Variants in KTN1 observed in about 807,000 individuals in gnomAD.
KTN1 encodes the protein kinectin.
Under a neutral mutation model 222.5 loss-of-function variants are expected in KTN1, and 130 were observed. The observed-to-expected ratio is 0.58, with a 90% confidence interval of 0.51 to 0.68. KTN1 has a LOEUF of 0.68. Ranked by LOEUF, KTN1 falls within the 30% of genes least tolerant of loss-of-function variation. The probability of loss-of-function intolerance (pLI) is 0.00; values close to 1 mark genes in which losing one functional copy is unlikely to be tolerated. For synonymous variants in KTN1, 512 were observed against 496.3 expected (o/e 1.03, Z -0.42); for missense variants, 1,508 against 1,500.4 (o/e 1.01, Z -0.08).
At chr14:55,671,466 A>T (rs2141317324) in intron 35 of KTN1, 100 bp from the exon 36 acceptor site, 1 of 772,818 alleles carries the variant, frequency 1.3e-6, no homozygotes, top group Non-Finnish European at 2.1e-6. Flanking sequence ...AAACACTTTG[A>T]AACCATTTAT....
chr14:55,633,861 G>A (rs554734738), intron 8 of KTN1, among the ~76,000 whole-genome samples: 105 of 152,214 alleles, frequency 6.9e-4, no homozygotes, highest in Middle Eastern at 3.4e-3. Context: ...CTTTCGGGCC[G>A]GGTGTGGTGG....
chr14:55,602,924 A>G (rs2036196665), intron 1 of KTN1, among the ~76,000 whole-genome samples: 1 of 152,052 alleles, frequency 6.6e-6, no homozygotes, highest in Non-Finnish European at 1.5e-5. Flanking sequence ...TTTGCTTCTC[A>G]TTTCGTAAAG....
intron 18 of KTN1, among the ~76,000 whole-genome samples, chr14:55,643,571 A>G (rs948816636): frequency 1.3e-5 from 2 of 152,212 alleles, no homozygotes; most frequent in East Asian, 3.8e-4. Context: ...TGGAGGTAAA[A>G]CAAATGCTTA....
chr14:55,642,762 T>G (rs1156791616), intron 18 of KTN1, among the ~76,000 whole-genome samples: 1 of 152,220 alleles, frequency 6.6e-6, no homozygotes, highest in Admixed American at 6.5e-5. Context: ...AATCCATTTA[T>G]TCTACCTCCC....
In KTN1 at chr14:55,615,657, AAG is replaced by A. The variant is rs549389748; in HGVS notation, c.524-856_524-855del. Among the ~76,000 whole-genome samples, 106 of 152,304 alleles carry A rather than the reference AAG, an allele frequency of 7.0e-4. 1 individual carries two copies. Among genetic ancestry groups the A allele is most frequent in the African/African-American group, 2.4e-3 (99 of 41,566 alleles). On this transcript the variant is annotated intron_variant, in intron 2 of 43. Transcript: ENST00000395314. ...CTGAGTTAATCCTTTCGTGGAATGA[AAG>A]AGATAAAAATCAGGTTGCAATTAGC...
intron 1 of KTN1, among the ~76,000 whole-genome samples, chr14:55,589,583 T>C (rs2033706902): frequency 6.6e-6 from 1 of 152,076 alleles, no homozygotes; most frequent in Non-Finnish European, 1.5e-5. Flanking sequence ...GTGCTGAGAT[T>C]ACAGGCATGA....
chr14:55,618,628 T>TA (rs2038722832), intron 4 of KTN1, among the ~76,000 whole-genome samples: 1 of 152,186 alleles, frequency 6.6e-6, no homozygotes, highest in South Asian at 2.1e-4. Context: ...TAATGCCTAA[T>TA]ACGAGAACCT....
chr14:55,679,420 G>A, intron 42 of KTN1, 145 bp from the exon 43 acceptor site: 1 of 678,808 alleles, frequency 1.5e-6, no homozygotes, highest in Non-Finnish European at 2.4e-6. Flanking sequence ...TCTCTATGTG[G>A]TTTTTGTTAT....
At position 55,671,393 on chromosome 14, in the gene KTN1, A is replaced by T. The variant is rs2045434647; in HGVS notation, c.3349-173A>T. 5.2e-6 allele frequency: 3 copies of T among 574,572 alleles called. No individual in the cohort carries two copies. The East Asian group carries it at 8.7e-5, about 17-fold the overall frequency. The allele number at this position is 574,572 out of a possible 1,614,324, so 35.6% of individuals were successfully genotyped here. Reference sequence around the variant, plus strand: ...ATAACATTGTTTAATAAAAATGACCAAAAGGGTTATTGAATGAACTTCATC... The same window carrying T: ...ATAACATTGTTTAATAAAAATGACCTAAAGGGTTATTGAATGAACTTCATC... On this transcript the variant is annotated intron_variant, in intron 35 of 43. Coordinates refer to ENST00000395314, the MANE Select transcript of KTN1 (RefSeq NM_001079521.2).
chr14:55,678,729 G>GGT (rs2046107787), intron 42 of KTN1: 1 of 329,618 alleles, frequency 3.0e-6, no homozygotes, highest in Non-Finnish European at 5.7e-6. Context: ...GGAGATGAGT[G>GGT]GTGGGTGAAT....
chr14:55,629,059 ATAAT>A (rs1272016765), intron 6 of KTN1, among the ~76,000 whole-genome samples: 2 of 152,206 alleles, frequency 1.3e-5, no homozygotes, highest in Admixed American at 6.5e-5. Flanking sequence ...ATGTACTTTG[ATAAT>A]TAATATTTGT....
intron 14 of KTN1, 43 bp from the exon 15 acceptor site, chr14:55,640,331 C>G (rs774028458): frequency 6.3e-6 from 8 of 1,267,180 alleles, no homozygotes; most frequent in African/African-American, 1.5e-5. Context: ...ACTTTAAAAT[C>G]AGTTGTATTA....
chr14:55,653,131 A>G, intron 27 of KTN1, 46 bp downstream of exon 27: 1 of 1,262,470 alleles, frequency 7.9e-7, no homozygotes, highest in Non-Finnish European at 1.1e-6. Context: ...GGAATGATAA[A>G]TCTTTGTTTA....
At chr14:55,602,049 T>A (rs1363638528) in intron 1 of KTN1, among the ~76,000 whole-genome samples, 1 of 152,232 alleles carries the variant, frequency 6.6e-6, no homozygotes, top group Non-Finnish European at 1.5e-5. Context: ...AAGTGCTTTA[T>A]ATTTTTTCTT....
At position 55,673,277 on chromosome 14, in the gene KTN1, G is replaced by A. The variant is rs1438356030; in HGVS notation, c.3771+22G>A. On this transcript the variant is annotated intron_variant, in intron 40 of 43. Coordinates refer to ENST00000395314, the MANE Select transcript of KTN1 (RefSeq NM_001079521.2). ...TTTGGTAAGAAGCTTGTCCTCCACT[G>A]GGTATCAAGTAGGCACTGAAAACAC... 15 of 1,506,756 alleles carry A rather than the reference G, an allele frequency of 1.0e-5. No homozygotes were observed. The East Asian group carries it at 3.2e-4, about 32-fold the overall frequency. 93.3% of individuals were successfully genotyped at this position (1,506,756 alleles called of 1,614,324 possible). A position where few individuals can be genotyped will look rare whatever the true frequency, so the allele number is the denominator to read the frequency against.
At chr14:55,668,188 A>T (rs573704295) in intron 34 of KTN1, 1 of 152,130 alleles carries the variant, frequency 6.6e-6, no homozygotes, top group African/African-American at 2.4e-5. Flanking sequence ...AATTTTGTAT[A>T]GTATGCATTT....
At chr14:55,660,861 A>G (rs993840635) in intron 31 of KTN1, among the ~76,000 whole-genome samples, 1 of 152,208 alleles carries the variant, frequency 6.6e-6, no homozygotes, top group Non-Finnish European at 1.5e-5. Flanking sequence ...CAGACTGTGG[A>G]GTGGGCCCAT....
chr14:55,601,234 G>A (rs2035927401), intron 1 of KTN1, among the ~76,000 whole-genome samples: 1 of 152,232 alleles, frequency 6.6e-6, no homozygotes, highest in Admixed American at 6.5e-5. Flanking sequence ...TATTGCTGAA[G>A]TAAGTGGTGT....
At chr14:55,640,755 G>A (rs143286410) in intron 15 of KTN1, among the ~76,000 whole-genome samples, 178 bp from the exon 16 acceptor site, 96 of 151,834 alleles carry the variant, frequency 6.3e-4, no homozygotes, top group African/African-American at 2.2e-3. Context: ...ATGGAAAATA[G>A]TCTAGAATAA....
Sources: gnomAD v4.1 joint callset for allele counts (sites outside exome capture counted in the v4.1 genomes callset) on GRCh38, gnomAD v4.1.1 for gene constraint, MANE v1.5 for transcripts, NCBI Gene and HGNC (gene_info 2026-07-23, HGNC 2026-07-21) for gene names.